Variants in TAGLN observed in about 807,000 individuals in gnomAD.
The protein encoded by TAGLN is 22 kDa actin-binding protein.
Under a neutral mutation model 21.9 loss-of-function variants are expected in TAGLN, and 16 were observed. The ratio of observed to expected loss-of-function variants is 0.73; its 90% CI spans 0.49 to 1.11. The LOEUF (loss-of-function observed/expected upper bound fraction) is 1.11. TAGLN is among the 50% of genes least tolerant of loss of function. The probability of loss-of-function intolerance (pLI) is 0.00; values close to 1 mark genes in which losing one functional copy is unlikely to be tolerated. For synonymous variants in TAGLN, 96 were observed against 94.9 expected (o/e 1.01, Z -0.06); for missense variants, 248 against 263.2 (o/e 0.94, Z 0.40).
In TAGLN at chr11:117,205,926, GA is replaced by G. The variant is rs1159888177; in HGVS notation, c.*1569del. ...CCTCAGATTCCAGATGTAAGCATCA[GA>G]ACTGCTTTCTGTCAAGAGCTCCCTA... On this transcript the variant is annotated 3_prime_UTR_variant, in exon 5 of 5. Coordinates refer to ENST00000392951, the MANE Select transcript of TAGLN (RefSeq NM_003186.5). 1.7e-6 allele frequency: 1 copy of G among 594,878 alleles called. No individual in the cohort carries two copies. The highest frequency in any genetic ancestry group is 2.8e-5 in the East Asian group (1 of 35,626). The allele number at this position is 594,878 out of a possible 1,614,324, so 36.8% of individuals were successfully genotyped here. A position where few individuals can be genotyped will look rare whatever the true frequency, so the allele number is the denominator to read the frequency against.
chr11:117,201,203 G>A (rs562407930), intron 1 of TAGLN: 5 of 152,374 alleles, frequency 3.3e-5, no homozygotes, highest in African/African-American at 7.2e-5. Flanking sequence ...GCTGGGCCAG[G>A]AGCCCACCTC....
In TAGLN at chr11:117,203,770, G is replaced by T; in HGVS notation, c.359-12G>T. ...TCTTGATGTTCATCTCCTCTCTCCT[G>T]TCTTCTCACAGGCAAAGACATGGCA... is the stretch of plus-strand genomic sequence containing the variant. On this transcript the variant is annotated splice_polypyrimidine_tract_variant and intron_variant, in intron 3 of 4. Transcript: ENST00000392951. The surrounding 1 kb of genome is among the most constrained non-coding windows in gnomAD (Gnocchi z 4.4). 1 of 1,612,522 alleles carries T rather than the reference G, an allele frequency of 6.2e-7. No homozygotes were observed. The highest frequency in any genetic ancestry group is 8.5e-7 in the Non-Finnish European group (1 of 1,178,730).
intron 1 of TAGLN, among the ~76,000 whole-genome samples, chr11:117,200,893 G>A (rs1384756923): frequency 1.3e-5 from 2 of 152,144 alleles, no homozygotes; most frequent in African/African-American, 4.8e-5. Flanking sequence ...ATGAGGGCAG[G>A]TGGAGTGGGG....
Position 117,204,525 on chromosome 11 carries a change from C to T in TAGLN, c.*166C>T. On this transcript the variant is annotated 3_prime_UTR_variant, in exon 5 of 5. Transcript: ENST00000392951. Reference sequence around the variant, plus strand: ...TGCACCTGGGCAGCTCCTCCCTGTGCCCCCAGCCTCAGCCCAACTTCTTAC... The same window carrying T: ...TGCACCTGGGCAGCTCCTCCCTGTGTCCCCAGCCTCAGCCCAACTTCTTAC... 2.4e-5 allele frequency: 26 copies of T among 1,070,716 alleles called. No individual in the cohort carries two copies. Among genetic ancestry groups the T allele is most frequent in the Non-Finnish European group, 3.6e-5 (26 of 720,912 alleles). 66.3% of individuals were successfully genotyped at this position (1,070,716 alleles called of 1,614,324 possible).
rs768643861 is a variant in TAGLN, at chr11:117,203,809, C to G, written c.386C>G (p.Thr129Ser). The G allele has an allele frequency of 3.7e-6, 6 of 1,613,960 alleles. No homozygotes were observed. The highest frequency in any genetic ancestry group is 5.1e-6 in the Non-Finnish European group (6 of 1,179,900). ...AAAGACATGGCAGCAGTGCAGAGGA[C>G]CCTGATGGCTTTGGGCAGCTTGGCA... ...EGKDMAAVQRTLMALGSLAVT... is the reference protein window; with the variant it reads ...EGKDMAAVQRSLMALGSLAVT... Residue 129 changes from threonine to serine, a missense_variant, in exon 4 of 5, where the codon ACC becomes AGC. Transcript: ENST00000392951. This position sits in a 1 kb window ranked among gnomAD's most constrained non-coding sequence, Gnocchi z 4.4.
At chr11:117,200,570 C>A (rs983621589) in intron 1 of TAGLN, among the ~76,000 whole-genome samples, 6 of 152,166 alleles carry the variant, frequency 3.9e-5, no homozygotes, top group African/African-American at 1.4e-4. Flanking sequence ...CGGGAGGCTT[C>A]ATCAGAGGAC....
chr11:117,204,559 A>G lies in TAGLN; in HGVS notation c.*200A>G. ...TCAGCCCAACTTCTTACCCGAAAGC[A>G]TCACTGCCTTGGCCCCTCCCTCCCG... On this transcript the variant is annotated 3_prime_UTR_variant, in exon 5 of 5. Transcript: ENST00000392951. 5.0e-6 allele frequency: 4 copies of G among 795,438 alleles called. No homozygotes were observed. Among genetic ancestry groups the G allele is most frequent in the Non-Finnish European group, 8.4e-6 (4 of 477,724 alleles). The allele number at this position is 795,438 out of a possible 1,614,324, so 49.3% of individuals were successfully genotyped here. A position where few individuals can be genotyped will look rare whatever the true frequency, so the allele number is the denominator to read the frequency against.
intron 1 of TAGLN, chr11:117,202,373 GCTGGAGTT>G (rs1272012848): frequency 6.6e-6 from 1 of 152,290 alleles, no homozygotes; most frequent in Non-Finnish European, 1.5e-5. Flanking sequence ...CCTGAAAAGA[GCTGGAGTT>G]CTGGAGTTCG....
intron 1 of TAGLN, chr11:117,200,203 G>A (rs2031031595): frequency 6.6e-6 from 1 of 152,194 alleles, no homozygotes; most frequent in African/African-American, 2.4e-5. Flanking sequence ...GGCCACTCCT[G>A]TTTGTCCGTG....
At chr11:117,202,925 A>C in intron 1 of TAGLN, 77 bp from the exon 2 acceptor site, 1 of 1,386,640 alleles carries the variant, frequency 7.2e-7, no homozygotes, top group Middle Eastern at 2.6e-4. Context: ...CAGAGCTAGA[A>C]GGCTGCCTGG....
chr11:117,204,410 A>C lies in TAGLN; in HGVS notation c.*51A>C, dbSNP rs1198012045. The C allele has an allele frequency of 6.2e-7, 1 of 1,612,982 alleles. No individual in the cohort carries two copies. Among genetic ancestry groups the C allele is most frequent in the Non-Finnish European group, 8.5e-7 (1 of 1,179,492 alleles). On this transcript the variant is annotated 3_prime_UTR_variant, in exon 5 of 5. Transcript: ENST00000392951. ...GGCCCTCCCCCAGCTCCTTGGCTGC[A>C]GCCATCCCGCTTAGCCTGCCTCACC...
Position 117,203,540 on chromosome 11 carries a change from G to A in TAGLN, c.358+56G>A. 6.3e-7 allele frequency: 1 copy of A among 1,593,062 alleles called. No individual in the cohort carries two copies. The highest frequency in any genetic ancestry group is 8.6e-7 in the Non-Finnish European group (1 of 1,165,690). ...GGCAGGAGGACAGGGTGCTGGGACAGGGAGAGGGAATGACCAGAATATGCC... is the reference window on the plus strand; with the variant it reads ...GGCAGGAGGACAGGGTGCTGGGACAAGGAGAGGGAATGACCAGAATATGCC... On this transcript the variant is annotated intron_variant, in intron 3 of 4. Coordinates refer to ENST00000392951, the MANE Select transcript of TAGLN (RefSeq NM_003186.5). The surrounding 1 kb of genome is among the most constrained non-coding windows in gnomAD (Gnocchi z 4.4).
rs36014587 is a variant in TAGLN, at chr11:117,204,760, C to CAAAA, written c.*416_*419dup. 1.1e-4 allele frequency: 20 copies of CAAAA among 175,080 alleles called. No individual in the cohort carries two copies. Among genetic ancestry groups the CAAAA allele is most frequent in the African/African-American group, 2.8e-4 (10 of 35,910 alleles). The allele number at this position is 175,080 out of a possible 1,614,324, so 10.8% of individuals were successfully genotyped here. On this transcript the variant is annotated 3_prime_UTR_variant, in exon 5 of 5. Coordinates refer to ENST00000392951, the MANE Select transcript of TAGLN (RefSeq NM_003186.5). ...CTGGAATATTTTTGGGGTTGGAACT[C>CAAAA]AAAAAAAAAAAAAAAAAATCAATCT...
Position 117,203,857 on chromosome 11 carries a change from A to G in TAGLN, c.434A>G (p.Tyr145Cys). The change falls in exon 4 of 5, where the codon TAC becomes TGC. Residue 145 changes from tyrosine to cysteine, a missense_variant. Transcript: ENST00000392951. The surrounding 1 kb of genome is among the most constrained non-coding windows in gnomAD (Gnocchi z 4.4). ...SLAVTKNDGH[Y>C]RGDPNWFMKK... is the part of the protein sequence containing the mutation. ...GCAGTGACCAAGAATGATGGGCACT[A>G]CCGTGGAGATCCCAACTGGTTTATG... 1.2e-6 allele frequency: 2 copies of G among 1,614,090 alleles called. No individual in the cohort carries two copies. Among genetic ancestry groups the G allele is most frequent in the Non-Finnish European group, 1.7e-6 (2 of 1,179,964 alleles).
intron 1 of TAGLN, 67 bp from the exon 2 acceptor site, chr11:117,202,935 G>A: frequency 2.1e-6 from 3 of 1,437,686 alleles, no homozygotes; most frequent in Non-Finnish European, 1.9e-6. Flanking sequence ...AGGCTGCCTG[G>A]CACGGGTGAA....
In TAGLN at chr11:117,204,359, G is replaced by A. The variant is rs547690303; in HGVS notation, c.606G>A (p.Ter202=). ...GACGACCTCGGCAGATCATCAGTTA[G>A]AGCGGAGAGGGCTAGCCCTGAGCCC... ...GYGRPRQIIS[*] is the part of the protein sequence containing the mutation. Residue 202 remains the stop codon, a stop_retained_variant, in exon 5 of 5, where the codon TAG becomes TAA. Coordinates refer to ENST00000392951, the MANE Select transcript of TAGLN (RefSeq NM_003186.5). The A allele has an allele frequency of 6.2e-7, 1 of 1,614,238 alleles. No homozygotes were observed. Among genetic ancestry groups the A allele is most frequent in the Non-Finnish European group, 8.5e-7 (1 of 1,180,038 alleles).
rs1242127 is a variant in TAGLN at position 117,205,848 on chromosome 11, A to G, written c.*1489A>G. 156,367 of 632,476 alleles carry G rather than the reference A, an allele frequency of 0.25. 29,473 individuals are homozygous for G. The highest frequency in any genetic ancestry group is 0.59 in the East Asian group (18,706 of 31,752). 39.2% of individuals were successfully genotyped at this position (632,476 alleles called of 1,614,324 possible). On this transcript the variant is annotated 3_prime_UTR_variant, in exon 5 of 5. Transcript: ENST00000392951. ...CAGACTTCTCTGGCAGCAATCCTCCACCATTTGTATCTTAAGAAGGCCCTC... is the reference window on the plus strand; with the variant it reads ...CAGACTTCTCTGGCAGCAATCCTCCGCCATTTGTATCTTAAGAAGGCCCTC...
Position 117,203,691 on chromosome 11 carries a change from C to A in TAGLN, c.359-91C>A. Reference sequence around the variant, plus strand: ...GGACAACTCTTGGCCCTGGTTTGGCCATTTTTTTGTGAGAGACGGGGGCAG... The same window carrying A: ...GGACAACTCTTGGCCCTGGTTTGGCAATTTTTTTGTGAGAGACGGGGGCAG... On this transcript the variant is annotated intron_variant, in intron 3 of 4. Transcript: ENST00000392951. This position sits in a 1 kb window ranked among gnomAD's most constrained non-coding sequence, Gnocchi z 4.4. 1 of 1,438,050 alleles carries A rather than the reference C, an allele frequency of 7.0e-7. No individual in the cohort carries two copies. Among genetic ancestry groups the A allele is most frequent in the Non-Finnish European group, 9.6e-7 (1 of 1,038,370 alleles). The allele number at this position is 1,438,050 out of a possible 1,614,324, so 89.1% of individuals were successfully genotyped here. A position where few individuals can be genotyped will look rare whatever the true frequency, so the allele number is the denominator to read the frequency against.
chr11:117,203,129 G>A lies in TAGLN; in HGVS notation c.116G>A (p.Gly39Asp). Reference protein sequence around the residue: ...RLVEWIIVQCGPDVGRPDRGR... With the variant: ...RLVEWIIVQCDPDVGRPDRGR... ...GTGGAGTGGATCATAGTGCAGTGTGGCCCTGATGTGGGCCGCCCAGACCGT... is the reference window on the plus strand; with the variant it reads ...GTGGAGTGGATCATAGTGCAGTGTGACCCTGATGTGGGCCGCCCAGACCGT... Residue 39 changes from glycine (G) to aspartate (D), a missense_variant, in exon 2 of 5, where the codon GGC becomes GAC. By Grantham distance (94) the Gly-to-Asp change is moderately conservative. Transcript: ENST00000392951. The surrounding 1 kb of genome is among the most constrained non-coding windows in gnomAD (Gnocchi z 4.4). The A allele has an allele frequency of 6.2e-7, 1 of 1,609,458 alleles. No homozygotes were observed. The highest frequency in any genetic ancestry group is 8.5e-7 in the Non-Finnish European group (1 of 1,177,274).
Sources: gnomAD v4.1 joint callset for allele counts (sites outside exome capture counted in the v4.1 genomes callset) on GRCh38, gnomAD v4.1.1 for gene constraint, Gnocchi (gnomAD v3.1) non-coding constraint, MANE v1.5 for transcripts, NCBI Gene and HGNC (gene_info 2026-07-23, HGNC 2026-07-21) for gene names.